The following RANBP3L variants were observed in gnomAD, a reference collection of about 807,000 sequenced individuals.
The protein encoded by RANBP3L is RAN binding protein 3 like, also known as ran-binding protein 3-like.
Under a neutral mutation model 67.2 loss-of-function variants are expected in RANBP3L, and 56 were observed. The ratio of observed to expected loss-of-function variants is 0.83; its 90% CI spans 0.67 to 1.04. RANBP3L has a LOEUF of 1.04. Among genes scored for constraint, RANBP3L ranks in the 50% least tolerant of loss-of-function variants. The pLI is 0.00. For missense variants in RANBP3L, 496 were observed against 535.5 expected, an observed-to-expected ratio of 0.93 and a Z score of 0.73; for synonymous variants, 164 against 181.4, an observed-to-expected ratio of 0.90 and a Z score of 0.77.
rs1318296842 is a variant in RANBP3L, at chr5:36,277,418, C to A, written c.92-6107G>T. Reference sequence around the variant, plus strand: ...TTTTCATCTCTCTCTCTCTCTCTCTCTCTCTATATATATATATATATATGT... The same window carrying A: ...TTTTCATCTCTCTCTCTCTCTCTCTATCTCTATATATATATATATATATGT... On this transcript the variant is annotated intron_variant, in intron 1 of 13. Coordinates refer to ENST00000296604, the MANE Select transcript of RANBP3L (RefSeq NM_145000.5). 2.4e-3 allele frequency among the ~76,000 whole-genome samples: 180 copies of A among 75,388 alleles called. 2 individuals carry two copies. The highest frequency in any genetic ancestry group is 0.019 in the East Asian group (73 of 3,786). 49.5% of individuals were successfully genotyped at this position (75,388 alleles called of 152,430 possible). A position where few individuals can be genotyped will look rare whatever the true frequency, so the allele number is the denominator to read the frequency against.
At chr5:36,281,629 TTG>T (rs1228668054) in intron 1 of RANBP3L, among the ~76,000 whole-genome samples, 1 of 152,198 alleles carries the variant, frequency 6.6e-6, no homozygotes, top group Non-Finnish European at 1.5e-5. Flanking sequence ...TGATCCTATA[TTG>T]TGTGAGTCTT....
At chr5:36,278,137 T>C (rs560621522) in intron 1 of RANBP3L, among the ~76,000 whole-genome samples, 1 of 152,236 alleles carries the variant, frequency 6.6e-6, no homozygotes, top group East Asian at 1.9e-4. Flanking sequence ...ACTTACCTAC[T>C]CTATGTTAGC....
Position 36,261,915 on chromosome 5 carries a change from G to A in RANBP3L, c.584+24C>T, listed in dbSNP as rs207465923. 18 of 1,052,086 alleles carry A rather than the reference G, an allele frequency of 1.7e-5. No homozygotes were observed. In the South Asian group the frequency reaches 1.9e-4, roughly 11 times the overall value. 65.2% of individuals were successfully genotyped at this position (1,052,086 alleles called of 1,614,324 possible). A position where few individuals can be genotyped will look rare whatever the true frequency, so the allele number is the denominator to read the frequency against. ...AAGAATGCAAGAATGAAAGGACAAC[G>A]CTTCTATTTTCTCATTAACTTACCC... is the stretch of plus-strand genomic sequence containing the variant. On this transcript the variant is annotated intron_variant, in intron 7 of 13. Coordinates refer to ENST00000296604, the MANE Select transcript of RANBP3L (RefSeq NM_145000.5).
chr5:36,278,277 G>A (rs1750739062), intron 1 of RANBP3L, among the ~76,000 whole-genome samples: 1 of 151,740 alleles, frequency 6.6e-6, no homozygotes, highest in Non-Finnish European at 1.5e-5. Flanking sequence ...TTGATATCAG[G>A]AAGTTTCCAA....
At chr5:36,271,133 C>T in intron 2 of RANBP3L, 120 bp downstream of exon 2, 1 of 673,902 alleles carries the variant, frequency 1.5e-6, no homozygotes, top group Non-Finnish European at 2.7e-6. Flanking sequence ...GGAGGCACTA[C>T]TCTGCTAGTA....
Position 36,266,492 on chromosome 5 carries a change from G to T in RANBP3L, c.269-972C>A, listed in dbSNP as rs544430412. Among the ~76,000 whole-genome samples the T allele has an allele frequency of 5.3e-5, 8 of 152,176 alleles. No individual in the cohort carries two copies. In the South Asian group the frequency reaches 1.7e-3, roughly 32 times the overall value. On this transcript the variant is annotated intron_variant, in intron 4 of 13. Transcript: ENST00000296604. ...GGGGTAGAATCCCTTCTCTACTTCAGAGTTCAATTTAATGTTTTTTATGAT... is the reference window on the plus strand; with the variant it reads ...GGGGTAGAATCCCTTCTCTACTTCATAGTTCAATTTAATGTTTTTTATGAT...
intron 12 of RANBP3L, 99 bp downstream of exon 12, chr5:36,253,548 T>C (rs917617018): frequency 1.4e-5 from 13 of 932,570 alleles, no homozygotes; most frequent in Non-Finnish European, 2.1e-5. Flanking sequence ...TTTTTGCCAA[T>C]GGTACAGATT....
In RANBP3L at chr5:36,301,574, C is replaced by G. The variant is rs2112210417; in HGVS notation, c.-158G>C. The G allele has an allele frequency of 2.0e-6, 1 of 497,130 alleles. No individual in the cohort carries two copies. The highest frequency in any genetic ancestry group is 2.9e-5 in the East Asian group (1 of 34,060). 30.8% of individuals were successfully genotyped at this position (497,130 alleles called of 1,614,324 possible). On this transcript the variant is annotated 5_prime_UTR_variant, in exon 1 of 14. Transcript: ENST00000296604. Reference sequence around the variant, plus strand: ...TATACTCCTCTACTAAACTTCCAAGCTTTTTCCAGTCATGATTCTTGAAAT... The same window carrying G: ...TATACTCCTCTACTAAACTTCCAAGGTTTTTCCAGTCATGATTCTTGAAAT...
chr5:36,253,543 G>T, intron 12 of RANBP3L, 104 bp downstream of exon 12: 2 of 877,410 alleles, frequency 2.3e-6, no homozygotes, highest in Non-Finnish European at 3.5e-6. Flanking sequence ...CTGAGTTTTT[G>T]CCAATGGTAC....
At chr5:36,271,037 A>G (rs76723382) in intron 2 of RANBP3L, among the ~76,000 whole-genome samples, 3,622 of 152,278 alleles carry the variant, frequency 0.024, 163 homozygotes, top group South Asian at 0.2. Context: ...GCGAAACAGT[A>G]TGTTATCCAT....
At chr5:36,267,480 C>A (rs1003703353) in intron 4 of RANBP3L, among the ~76,000 whole-genome samples, 3 of 151,696 alleles carry the variant, frequency 2.0e-5, no homozygotes, top group African/African-American at 7.3e-5. Context: ...TGCACTCTAG[C>A]CTGGGCGACA....
intron 1 of RANBP3L, among the ~76,000 whole-genome samples, chr5:36,280,752 T>C (rs1292513762): frequency 2.0e-5 from 3 of 152,182 alleles, no homozygotes; most frequent in Non-Finnish European, 4.4e-5. Flanking sequence ...TCTTTTTCAA[T>C]GACTATCACA....
chr5:36,290,828 T>C (rs1454771465), intron 1 of RANBP3L, among the ~76,000 whole-genome samples: 1 of 143,526 alleles, frequency 7.0e-6, no homozygotes, highest in East Asian at 2.1e-4. Flanking sequence ...GCCTCCCGGG[T>C]TCAAGCGATT....
chr5:36,274,892 T>A (rs1449948593), intron 1 of RANBP3L, among the ~76,000 whole-genome samples: 1 of 152,126 alleles, frequency 6.6e-6, no homozygotes, highest in Non-Finnish European at 1.5e-5. Context: ...CATGACTTTT[T>A]TTTTAGAGAA....
At chr5:36,299,670 G>T (rs993857772) in intron 1 of RANBP3L, among the ~76,000 whole-genome samples, 4 of 151,956 alleles carry the variant, frequency 2.6e-5, no homozygotes, top group African/African-American at 9.7e-5. Context: ...ATTAGTTTAG[G>T]TGCAGTCCAG....
intron 4 of RANBP3L, among the ~76,000 whole-genome samples, chr5:36,267,275 G>A (rs1226910265): frequency 2.0e-5 from 3 of 152,280 alleles, no homozygotes; most frequent in South Asian, 2.1e-4. Context: ...TTGGGAGGCC[G>A]AGGTGGGCGG....
intron 6 of RANBP3L, among the ~76,000 whole-genome samples, chr5:36,263,818 C>T (rs1486812410): frequency 1.3e-5 from 2 of 152,232 alleles, no homozygotes; most frequent in African/African-American, 4.8e-5. Context: ...TGAGCCACCA[C>T]GCCTGGCCAC....
intron 1 of RANBP3L, among the ~76,000 whole-genome samples, chr5:36,278,788 C>T (rs2133766): frequency 0.89 from 135,650 of 152,232 alleles, 62,025 homozygotes; most frequent in Non-Finnish European, 0.99. Context: ...ATTAGTCATT[C>T]GGATATTCTG....
chr5:36,269,379 G>A lies in RANBP3L; in HGVS notation c.268+11C>T. 1 of 1,457,058 alleles carries A rather than the reference G, an allele frequency of 6.9e-7. No individual in the cohort carries two copies. Among genetic ancestry groups the A allele is most frequent in the Non-Finnish European group, 9.6e-7 (1 of 1,037,120 alleles). The allele number at this position is 1,457,058 out of a possible 1,614,324, so 90.3% of individuals were successfully genotyped here. On this transcript the variant is annotated intron_variant, in intron 4 of 13. Coordinates refer to ENST00000296604, the MANE Select transcript of RANBP3L (RefSeq NM_145000.5). ...TAACAGTGAATAGTCAACAGTCAAG[G>A]CTATACATACCTCCCTGGGACTGAG... is the stretch of plus-strand genomic sequence containing the variant.
Sources: allele counts gnomAD v4.1 joint callset (sites outside exome capture counted in the v4.1 genomes callset), GRCh38; gene constraint gnomAD v4.1.1; transcripts MANE v1.5; gene names NCBI Gene and HGNC (gene_info 2026-07-23, HGNC 2026-07-21).